DDX10: variants seen among roughly 807,000 people sequenced by gnomAD.
The protein encoded by DDX10 is probable ATP-dependent RNA helicase DDX10.
In DDX10, 74 loss-of-function variants were observed where a neutral mutation model predicts 104.3. That is an observed-to-expected ratio of 0.71 (90% CI 0.59 to 0.86). The LOEUF (loss-of-function observed/expected upper bound fraction) is 0.86, where lower values mean the gene tolerates loss of function less well. Among genes scored for constraint, DDX10 ranks in the 40% least tolerant of loss-of-function variants. DDX10 has a pLI of 0.00. For synonymous variants in DDX10, 351 were observed against 353.4 expected, an observed-to-expected ratio of 0.99 and a Z score of 0.08; for missense variants, 952 against 1,040.0, an observed-to-expected ratio of 0.92 and a Z score of 1.16.
At chr11:108,926,548 A>G (rs1383730236) in intron 17 of DDX10, among the ~76,000 whole-genome samples, 1 of 152,202 alleles carries the variant, frequency 6.6e-6, no homozygotes, top group African/African-American at 2.4e-5. Flanking sequence ...CTCTGAGCCC[A>G]TCAATCTTTT....
rs1285696113 is a variant in DDX10, at chr11:108,678,318, C to G, written c.541C>G (p.Leu181Val). ...CAAAATAAATAACTGTTTTCAGGATCTAAAACACGAAGCTGAGAGGATCAA... is the reference window on the plus strand; with the variant it reads ...CAAAATAAATAACTGTTTTCAGGATGTAAAACACGAAGCTGAGAGGATCAA... The part of the protein sequence containing the change: ...SAGLIIGGKD[L>V]KHEAERINNI... The change falls in exon 5 of 18, where the codon CTA becomes GTA. Residue 181 changes from leucine (L) to valine (V), a missense_variant. Transcript: ENST00000322536. The G allele has an allele frequency of 9.3e-6, 15 of 1,607,162 alleles. No individual in the cohort carries two copies. The highest frequency in any genetic ancestry group is 1.3e-5 in the Non-Finnish European group (15 of 1,177,526).
At chr11:108,935,964 C>T (rs973592494) in intron 17 of DDX10, among the ~76,000 whole-genome samples, 19 of 152,118 alleles carry the variant, frequency 1.2e-4, no homozygotes, top group African/African-American at 4.1e-4. Flanking sequence ...AAGTATTGAA[C>T]GTTTACAAAG....
chr11:108,843,857 A>C (rs1010032288), intron 15 of DDX10, among the ~76,000 whole-genome samples: 1 of 152,194 alleles, frequency 6.6e-6, no homozygotes, highest in South Asian at 2.1e-4. Flanking sequence ...AATTTTAAAC[A>C]TGTCCTTTCA....
chr11:108,734,857 C>A (rs1353962785), intron 13 of DDX10, among the ~76,000 whole-genome samples: 1 of 152,176 alleles, frequency 6.6e-6, no homozygotes, highest in Non-Finnish European at 1.5e-5. Context: ...AATTCATAAA[C>A]AAGTGCTTGT....
chr11:108,744,068 G>A (rs2094328489), intron 13 of DDX10, among the ~76,000 whole-genome samples: 2 of 152,106 alleles, frequency 1.3e-5, no homozygotes, highest in Admixed American at 1.3e-4. Flanking sequence ...GTACTTAGTG[G>A]TATAACAGAG....
chr11:108,726,780 A>G (rs983937203), intron 13 of DDX10, among the ~76,000 whole-genome samples: 28 of 152,218 alleles, frequency 1.8e-4, no homozygotes, highest in African/African-American at 4.8e-4. Flanking sequence ...CTGAGGGGGA[A>G]GCATTCAGTC....
At chr11:108,674,413 T>A (rs1184712730) in intron 2 of DDX10, among the ~76,000 whole-genome samples, 1 of 152,234 alleles carries the variant, frequency 6.6e-6, no homozygotes, top group South Asian at 2.1e-4. Context: ...CCTCATCCTT[T>A]TGTGTTTAGA....
intron 15 of DDX10, among the ~76,000 whole-genome samples, chr11:108,842,912 C>G (rs1265558598): frequency 6.6e-6 from 1 of 152,166 alleles, no homozygotes; most frequent in South Asian, 2.1e-4. Flanking sequence ...AAATAATGTT[C>G]ACCCTCTTCC....
intron 13 of DDX10, among the ~76,000 whole-genome samples, chr11:108,809,479 G>C (rs1862148142): frequency 6.6e-6 from 1 of 152,212 alleles, no homozygotes; most frequent in Admixed American, 6.5e-5. Context: ...CCCAATTTCA[G>C]TGGCATCATC....
chr11:108,905,306 TGTTTAA>T (rs1342675339), intron 16 of DDX10, among the ~76,000 whole-genome samples: 2 of 25,598 alleles, frequency 7.8e-5, no homozygotes, highest in African/African-American at 1.5e-4. Flanking sequence ...ACTATTAGAT[TGTTTAA>T]GGGGGGGGGG....
chr11:108,856,122 A>G (rs980950411), intron 16 of DDX10, among the ~76,000 whole-genome samples: 1 of 152,190 alleles, frequency 6.6e-6, no homozygotes, highest in Non-Finnish European at 1.5e-5. Context: ...CTGAAGAAGT[A>G]GTAGTTAATT....
intron 2 of DDX10, among the ~76,000 whole-genome samples, chr11:108,673,950 A>T (rs185370669): frequency 2.7e-4 from 41 of 152,316 alleles, no homozygotes; most frequent in African/African-American, 9.6e-4. Flanking sequence ...AGGCAAAATA[A>T]GGGAAGGATT....
intron 17 of DDX10, among the ~76,000 whole-genome samples, chr11:108,934,170 A>G (rs912638420): frequency 6.6e-6 from 1 of 152,152 alleles, no homozygotes; most frequent in African/African-American, 2.4e-5. Context: ...AGGAGTGAGG[A>G]TGGTTGTAGA....
intron 9 of DDX10, among the ~76,000 whole-genome samples, chr11:108,698,514 A>G (rs972123329): frequency 3.3e-5 from 5 of 152,176 alleles, no homozygotes; most frequent in Admixed American, 2.6e-4. Flanking sequence ...TCTTGAAGCA[A>G]TGAGGAGCTG....
chr11:108,852,039 G>C, intron 15 of DDX10, 114 bp from the exon 16 acceptor site: 1 of 802,700 alleles, frequency 1.2e-6, no homozygotes. Context: ...AATATTTGTT[G>C]AAAAATGAAT....
At chr11:108,868,779 T>C (rs1863040799) in intron 16 of DDX10, among the ~76,000 whole-genome samples, 1 of 152,118 alleles carries the variant, frequency 6.6e-6, no homozygotes, top group African/African-American at 2.4e-5. Context: ...GTGGCAGTGC[T>C]GTAATATGAC....
intron 9 of DDX10, among the ~76,000 whole-genome samples, chr11:108,701,432 C>A (rs1029679439): frequency 6.6e-6 from 1 of 152,092 alleles, no homozygotes; most frequent in Non-Finnish European, 1.5e-5. Flanking sequence ...ACAAATGTCT[C>A]CCTTTCTCCA....
Position 108,692,029 on chromosome 11 carries a change from A to AGG in DDX10, c.1132_1133dup (p.Leu379ValfsTer7). The AGG allele has an allele frequency of 6.2e-7, 1 of 1,602,436 alleles. No homozygotes were observed. Among genetic ancestry groups the AGG allele is most frequent in the Non-Finnish European group, 8.5e-7 (1 of 1,174,210 alleles). On this transcript the variant is annotated frameshift_variant, in exon 8 of 18. Transcript: ENST00000322536. LOFTEE classifies it high-confidence loss of function. ...ACTCTTTGCTACTGATATTGCAGCC[A>AGG]GGGGTCTGGGTAAGAAAACTTCCTA...
At chr11:108,870,601 G>C (rs139269608) in intron 16 of DDX10, among the ~76,000 whole-genome samples, 2 of 152,266 alleles carry the variant, frequency 1.3e-5, no homozygotes, top group African/African-American at 2.4e-5. Flanking sequence ...ACTGTCTCCA[G>C]ATTTCTGCTA....
Sources: gnomAD v4.1 joint callset for allele counts (sites outside exome capture counted in the v4.1 genomes callset) on GRCh38, gnomAD v4.1.1 for gene constraint, MANE v1.5 for transcripts, NCBI Gene and HGNC (gene_info 2026-07-23, HGNC 2026-07-21) for gene names.